The following HS3ST4 variants were observed in gnomAD, a reference collection of about 807,000 sequenced individuals.
The protein encoded by HS3ST4 is heparan sulfate-glucosamine 3-sulfotransferase 4, also known as heparan sulfate glucosamine 3-O-sulfotransferase 4.
In HS3ST4, 17 loss-of-function variants were observed where a neutral mutation model predicts 29.2. The ratio of observed to expected loss-of-function variants is 0.58; its 90% confidence interval spans 0.40 to 0.87. The LOEUF is 0.87. Ranked by LOEUF, HS3ST4 falls within the 40% of genes least tolerant of loss-of-function variation. HS3ST4 has a pLI of 0.00. For missense variants in HS3ST4, 627 were observed against 634.5 expected, an observed-to-expected ratio of 0.99 and a Z score of 0.13; for synonymous variants, 314 against 285.7, an observed-to-expected ratio of 1.10 and a Z score of -1.00.
At chr16:26,018,278 G>A (rs1351949708) in intron 1 of HS3ST4, among the ~76,000 whole-genome samples, 2 of 152,226 alleles carry the variant, frequency 1.3e-5, no homozygotes, top group South Asian at 4.1e-4. Context: ...AATTGAGCAA[G>A]TGGCTGAGTC....
At chr16:25,802,441 GT>G (rs1384236131) in intron 1 of HS3ST4, among the ~76,000 whole-genome samples, 1 of 151,936 alleles carries the variant, frequency 6.6e-6, no homozygotes, top group African/African-American at 2.4e-5. Context: ...ATCTACCTCT[GT>G]TATGGTTTCA....
intron 1 of HS3ST4, among the ~76,000 whole-genome samples, chr16:25,952,647 T>C (rs1167511016): frequency 1.3e-5 from 2 of 152,172 alleles, no homozygotes; most frequent in Non-Finnish European, 2.9e-5. Flanking sequence ...TAAATATGCA[T>C]TATTAGTAGT....
intron 1 of HS3ST4, among the ~76,000 whole-genome samples, chr16:25,803,215 C>T (rs1342511616): frequency 7.9e-5 from 12 of 152,124 alleles, no homozygotes; most frequent in East Asian, 1.9e-4. Flanking sequence ...CCACAAATAA[C>T]GATACATCTG....
intron 1 of HS3ST4, among the ~76,000 whole-genome samples, chr16:25,694,081 G>T (rs1966276053): frequency 6.6e-6 from 1 of 152,168 alleles, no homozygotes; most frequent in Non-Finnish European, 1.5e-5. Context: ...CTTTCCTCCT[G>T]TTTTATATCT....
chr16:25,795,246 C>T (rs1966880683), intron 1 of HS3ST4, among the ~76,000 whole-genome samples: 2 of 152,110 alleles, frequency 1.3e-5, no homozygotes, highest in Admixed American at 6.5e-5. Context: ...GCTGGGATTA[C>T]AGGCGTGAGC....
At chr16:25,790,202 G>A (rs1966865743) in intron 1 of HS3ST4, among the ~76,000 whole-genome samples, 1 of 152,088 alleles carries the variant, frequency 6.6e-6, no homozygotes, top group Non-Finnish European at 1.5e-5. Context: ...CCTGAAGTCA[G>A]GAGTTCAAGA....
intron 1 of HS3ST4, among the ~76,000 whole-genome samples, chr16:25,706,418 C>G (rs1020301800): frequency 9.2e-5 from 14 of 151,980 alleles, no homozygotes; most frequent in African/African-American, 3.1e-4. Context: ...ACTTTAAGTT[C>G]TGGGATACAT....
At chr16:25,996,909 G>C (rs939652440) in intron 1 of HS3ST4, among the ~76,000 whole-genome samples, 4 of 151,958 alleles carry the variant, frequency 2.6e-5, no homozygotes, top group African/African-American at 9.7e-5. Context: ...ATCTTGGTTG[G>C]TACTGTTAAC....
At chr16:25,988,497 A>G (rs1278990401) in intron 1 of HS3ST4, among the ~76,000 whole-genome samples, 2 of 152,188 alleles carry the variant, frequency 1.3e-5, no homozygotes, top group Non-Finnish European at 2.9e-5. Context: ...GTGTATTCCT[A>G]TCTTCTGGGT....
At position 26,130,692 on chromosome 16, in the gene HS3ST4, A is replaced by G. The variant is rs570113131; in HGVS notation, c.735-4920A>G. Among the ~76,000 whole-genome samples, 14 of 152,226 alleles carry G rather than the reference A, an allele frequency of 9.2e-5. No homozygotes were observed. The South Asian group carries it at 2.5e-3, about 27-fold the overall frequency. Reference sequence around the variant, plus strand: ...AAATAAAACACAATTTTTTTTGCACACCTAGCATCTGAACACCTTTCAGTT... The same window carrying G: ...AAATAAAACACAATTTTTTTTGCACGCCTAGCATCTGAACACCTTTCAGTT... On this transcript the variant is annotated intron_variant, in intron 1 of 1. Coordinates refer to ENST00000331351, the MANE Select transcript of HS3ST4 (RefSeq NM_006040.3).
chr16:25,918,943 G>T (rs1313863000), intron 1 of HS3ST4, among the ~76,000 whole-genome samples: 1 of 152,234 alleles, frequency 6.6e-6, no homozygotes, highest in East Asian at 1.9e-4. Flanking sequence ...CTGTCACCCT[G>T]TGGGAATAGG....
At chr16:25,970,890 G>A (rs966096430) in intron 1 of HS3ST4, among the ~76,000 whole-genome samples, 20 of 151,936 alleles carry the variant, frequency 1.3e-4, no homozygotes, top group South Asian at 6.3e-4. Context: ...TCACTCTGTC[G>A]CTCAGGCTGG....
intron 1 of HS3ST4, among the ~76,000 whole-genome samples, chr16:26,094,871 T>G (rs1223451535): frequency 6.6e-6 from 1 of 151,968 alleles, no homozygotes; most frequent in African/African-American, 2.4e-5. Context: ...AGGAGACACA[T>G]CTCATGTGCA....
intron 1 of HS3ST4, among the ~76,000 whole-genome samples, chr16:26,002,693 AAG>A (rs1969222321): frequency 1.4e-5 from 2 of 141,890 alleles, no homozygotes; most frequent in Non-Finnish European, 3.1e-5. Context: ...GAGAAAAAAG[AAG>A]GAAGGAAGAA....
At chr16:25,803,937 T>C (rs1596575724) in intron 1 of HS3ST4, among the ~76,000 whole-genome samples, 1 of 151,912 alleles carries the variant, frequency 6.6e-6, no homozygotes, top group South Asian at 2.1e-4. Flanking sequence ...ATATTTTGGT[T>C]CCCCCTCCCC....
chr16:25,927,295 A>T (rs971519365), intron 1 of HS3ST4, among the ~76,000 whole-genome samples: 1 of 152,194 alleles, frequency 6.6e-6, no homozygotes, highest in African/African-American at 2.4e-5. Context: ...ATTTTGAAAG[A>T]TTCATGTTCA....
intron 1 of HS3ST4, among the ~76,000 whole-genome samples, chr16:26,053,507 G>A (rs1444818603): frequency 1.3e-5 from 2 of 152,178 alleles, no homozygotes; most frequent in Admixed American, 6.5e-5. Context: ...ATTAAGTTCA[G>A]AATGAAGGGG....
chr16:25,737,965 A>T (rs1596556903), intron 1 of HS3ST4, among the ~76,000 whole-genome samples: 1 of 139,950 alleles, frequency 7.1e-6, no homozygotes, highest in Non-Finnish European at 1.5e-5. Context: ...TGTGCAGTGG[A>T]GCAATCTCGG....
intron 1 of HS3ST4, among the ~76,000 whole-genome samples, chr16:25,981,720 A>T (rs1376516740): frequency 6.6e-6 from 1 of 151,546 alleles, no homozygotes; most frequent in African/African-American, 2.4e-5. Context: ...GCCCAAGTGG[A>T]CAGAGACATG....
Sources: allele counts gnomAD v4.1 joint callset (sites outside exome capture counted in the v4.1 genomes callset), GRCh38; gene constraint gnomAD v4.1.1; transcripts MANE v1.5; gene names NCBI Gene and HGNC (gene_info 2026-07-23, HGNC 2026-07-21).